The following POLN variants were observed in gnomAD, a reference collection of about 807,000 sequenced individuals.
POLN encodes the protein DNA polymerase nu.
In POLN, 108 loss-of-function variants were observed where a neutral mutation model predicts 113.5. That is an observed-to-expected ratio of 0.95 (90% CI 0.81 to 1.12). The LOEUF (loss-of-function observed/expected upper bound fraction) is 1.12. Among genes scored for constraint, POLN ranks in the 50% most tolerant of loss-of-function variants. The pLI, the probability that POLN is intolerant of heterozygous loss-of-function variation, is 0.00. For synonymous variants in POLN, 386 were observed against 391.5 expected, an observed-to-expected ratio of 0.99 and a Z score of 0.17; for missense variants, 1,097 against 1,077.1, an observed-to-expected ratio of 1.02 and a Z score of -0.26.
At chr4:2,182,036 G>T (rs1733156166) in intron 7 of POLN, among the ~76,000 whole-genome samples, 1 of 150,540 alleles carries the variant, frequency 6.6e-6, no homozygotes, top group South Asian at 2.1e-4. Flanking sequence ...ACTACATAAA[G>T]ACATATACAT....
chr4:2,117,352 T>C (rs1731342285), intron 19 of POLN, among the ~76,000 whole-genome samples: 1 of 152,236 alleles, frequency 6.6e-6, no homozygotes, highest in South Asian at 2.1e-4. Context: ...TAATACAGTC[T>C]GTTTGTGACC....
At chr4:2,221,362 T>C (rs1453618180) in intron 3 of POLN, among the ~76,000 whole-genome samples, 3 of 152,094 alleles carry the variant, frequency 2.0e-5, no homozygotes, top group African/African-American at 7.2e-5. Context: ...GTCACTAAGC[T>C]AAAGGGAAAA....
chr4:2,189,392 C>A (rs1316621676), intron 7 of POLN, among the ~76,000 whole-genome samples: 1 of 152,160 alleles, frequency 6.6e-6, no homozygotes, highest in Admixed American at 6.5e-5. Context: ...GTAATCCCAG[C>A]ACTTTGGGAG....
intron 5 of POLN, among the ~76,000 whole-genome samples, chr4:2,203,849 C>T (rs1291573519): frequency 6.6e-6 from 1 of 152,014 alleles, no homozygotes; most frequent in Non-Finnish European, 1.5e-5. Context: ...GGGGCTCACG[C>T]CTGTAATCCC....
chr4:2,231,389 AGAGATT>A (rs1734574056), intron 2 of POLN: 2 of 152,548 alleles, frequency 1.3e-5, no homozygotes, highest in Non-Finnish European at 2.9e-5. Flanking sequence ...CAAGAGGTCA[AGAGATT>A]GAGACCATCC....
intron 23 of POLN, chr4:2,078,944 T>G: frequency 1.0e-6 from 1 of 985,354 alleles, no homozygotes; most frequent in Middle Eastern, 5.2e-4. Context: ...TTTTTTCTTT[T>G]TTTGAGGCAG....
chr4:2,084,691 G>A (rs1730508377), intron 21 of POLN, among the ~76,000 whole-genome samples: 1 of 152,214 alleles, frequency 6.6e-6, no homozygotes, highest in Non-Finnish European at 1.5e-5. Flanking sequence ...TCACGGAGAG[G>A]GTCCACGAGG....
At chr4:2,095,342 G>A (rs1730760588) in intron 20 of POLN, among the ~76,000 whole-genome samples, 2 of 152,166 alleles carry the variant, frequency 1.3e-5, no homozygotes, top group Admixed American at 6.5e-5. Flanking sequence ...TGCTACCCCT[G>A]AGATTGGACC....
At chr4:2,234,788 C>T (rs1577796215) in intron 2 of POLN, among the ~76,000 whole-genome samples, 3 of 152,242 alleles carry the variant, frequency 2.0e-5, no homozygotes, top group South Asian at 4.1e-4. Context: ...CAATTTAAAA[C>T]GACCAGGATA....
At chr4:2,131,870 G>A (rs552412027) in intron 16 of POLN, among the ~76,000 whole-genome samples, 18 of 152,172 alleles carry the variant, frequency 1.2e-4, no homozygotes, top group Non-Finnish European at 1.6e-4. Flanking sequence ...CTTCTAGCCC[G>A]TTTCAACTAT....
At chr4:2,207,263 G>A (rs1047604776) in intron 5 of POLN, among the ~76,000 whole-genome samples, 1 of 152,060 alleles carries the variant, frequency 6.6e-6, no homozygotes, top group South Asian at 2.1e-4. Context: ...GGGTGGGAAG[G>A]GGGTGAGGGA....
intron 20 of POLN, chr4:2,088,937 GC>G: frequency 9.6e-7 from 1 of 1,040,614 alleles, no homozygotes. Context: ...TGAAGGTCTA[GC>G]AGCAACGGCC....
chr4:2,107,687 T>C (rs1181638755), intron 19 of POLN, among the ~76,000 whole-genome samples: 1 of 151,732 alleles, frequency 6.6e-6, no homozygotes, highest in African/African-American at 2.4e-5. Context: ...GGATGTGAGG[T>C]AGGAGAGAGG....
chr4:2,129,278 A>G (rs1180681973), intron 17 of POLN, 22 bp from the exon 18 acceptor site: 1 of 1,512,372 alleles, frequency 6.6e-7, no homozygotes. Flanking sequence ...TTTCAAGAGC[A>G]TTTAGTGAAT....
At chr4:2,091,218 T>C (rs1044060030) in intron 20 of POLN, among the ~76,000 whole-genome samples, 4 of 152,204 alleles carry the variant, frequency 2.6e-5, no homozygotes, top group Non-Finnish European at 5.9e-5. Context: ...GGGAGCGACT[T>C]GGCCATAACC....
intron 2 of POLN, among the ~76,000 whole-genome samples, chr4:2,233,112 G>A (rs1192674430): frequency 6.6e-6 from 1 of 152,134 alleles, no homozygotes; most frequent in Non-Finnish European, 1.5e-5. Context: ...AATTCACAGA[G>A]GAGTACTTCT....
chr4:2,099,643 G>A (rs1425194975), intron 19 of POLN, among the ~76,000 whole-genome samples: 1 of 152,078 alleles, frequency 6.6e-6, no homozygotes, highest in Non-Finnish European at 1.5e-5. Context: ...GGGACAGCAG[G>A]GAAAGACTGA....
chr4:2,198,822 A>G, intron 5 of POLN, 105 bp from the exon 6 acceptor site: 1 of 1,107,144 alleles, frequency 9.0e-7, no homozygotes, highest in South Asian at 1.8e-5. Flanking sequence ...CCTAAAATTA[A>G]ACTTGTAAAT....
chr4:2,090,889 A>G (rs1361438698), intron 20 of POLN, among the ~76,000 whole-genome samples: 2 of 152,130 alleles, frequency 1.3e-5, no homozygotes, highest in African/African-American at 4.8e-5. Flanking sequence ...ATTTGGCCTC[A>G]TTTCCTGGCT....
Sources: allele counts gnomAD v4.1 joint callset (sites outside exome capture counted in the v4.1 genomes callset), GRCh38; gene constraint gnomAD v4.1.1; transcripts MANE v1.5; gene names NCBI Gene and HGNC (gene_info 2026-07-23, HGNC 2026-07-21).